Variants in GRID2 observed in about 807,000 individuals in gnomAD.
GRID2 encodes the protein glutamate receptor ionotropic, delta-2.
In GRID2, 33 loss-of-function variants were observed where a neutral mutation model predicts 114.8. That is an observed-to-expected ratio of 0.29 (90% confidence interval 0.22 to 0.38). The LOEUF (loss-of-function observed/expected upper bound fraction) is 0.38. GRID2 is among the 10% of genes least tolerant of loss of function. The probability of loss-of-function intolerance (pLI) is 1.00; values close to 1 mark genes in which losing one functional copy is unlikely to be tolerated. For synonymous variants in GRID2, 505 were observed against 449.9 expected (o/e 1.12, Z -1.55); for missense variants, 1,184 against 1,257.7 (o/e 0.94, Z 0.89).
At chr4:92,626,979 G>A (rs959883635) in intron 2 of GRID2, among the ~76,000 whole-genome samples, 20 of 152,098 alleles carry the variant, frequency 1.3e-4, no homozygotes, top group African/African-American at 4.8e-4. Flanking sequence ...AGAAAACAGA[G>A]AACAACTGGA....
At chr4:92,821,461 G>A (rs1419377475) in intron 2 of GRID2, among the ~76,000 whole-genome samples, 1 of 151,266 alleles carries the variant, frequency 6.6e-6, no homozygotes, top group Non-Finnish European at 1.5e-5. Context: ...GTAGCTGTTT[G>A]TTTTTTTTAA....
At chr4:93,074,056 A>G (rs537573917) in intron 2 of GRID2, among the ~76,000 whole-genome samples, 1 of 152,328 alleles carries the variant, frequency 6.6e-6, no homozygotes, top group South Asian at 2.1e-4. Flanking sequence ...AGGGAGAAAA[A>G]GAAACACTGA....
At chr4:92,545,403 A>G (rs1325331027) in intron 1 of GRID2, among the ~76,000 whole-genome samples, 1 of 152,162 alleles carries the variant, frequency 6.6e-6, no homozygotes, top group Admixed American at 6.6e-5. Flanking sequence ...GCTCAAGGTC[A>G]TGTCTAAGAG....
Position 93,455,905 on chromosome 4 carries a change from A to C in GRID2, c.1789A>C (p.Met597Leu). The C allele has an allele frequency of 6.2e-7, 1 of 1,611,334 alleles. No individual in the cohort carries two copies. The highest frequency in any genetic ancestry group is 8.5e-7 in the Non-Finnish European group (1 of 1,177,538). Residue 597 changes from methionine to leucine, a missense_variant, in exon 11 of 16, where the codon ATG (methionine) becomes CTG (leucine). Physicochemically the swap from Met to Leu is conservative, Grantham distance 15. Around this residue, in one of 3 missense-constraint regions of GRID2, gnomAD observed 717 missense variants for 796.9 expected, o/e 0.90. Transcript: ENST00000282020. ...CTGGCTTAATCCCCCACGATTACAA[A>C]TGGGATCAATGACGTCTACTACTCT... ...LNWLNPPRLQ[M>L]GSMTSTTLYN...
rs562484978 is a variant in GRID2 at position 93,068,346 on chromosome 4, G to A, written c.245-16649G>A. 8.5e-5 allele frequency among the ~76,000 whole-genome samples: 13 copies of A among 152,160 alleles called. No homozygotes were observed. The East Asian group carries it at 2.3e-3, about 27-fold the overall frequency. Reference sequence around the variant, plus strand: ...ATGTGTAAAGTAAAGAGTGATCATAGTACTGTATTTGCCTCATTTGTGGGG... The same window carrying A: ...ATGTGTAAAGTAAAGAGTGATCATAATACTGTATTTGCCTCATTTGTGGGG... On this transcript the variant is annotated intron_variant, in intron 2 of 15. Transcript: ENST00000282020.
At chr4:92,548,733 C>T (rs893758045) in intron 1 of GRID2, among the ~76,000 whole-genome samples, 2 of 151,900 alleles carry the variant, frequency 1.3e-5, no homozygotes, top group African/African-American at 4.8e-5. Context: ...TTAATCAGCT[C>T]ATGATTTCAC....
At chr4:93,123,570 A>G (rs1465644967) in intron 4 of GRID2, among the ~76,000 whole-genome samples, 1 of 152,190 alleles carries the variant, frequency 6.6e-6, no homozygotes, top group African/African-American at 2.4e-5. Context: ...ATAGACTCAT[A>G]AGGAAAATGC....
At position 93,515,207 on chromosome 4, in the gene GRID2, A is replaced by G. The variant is rs763303408; in HGVS notation, c.1998-9A>G. ...TCTCTTGTGTCTCTCTTCTCTCCCA[A>G]TAATCAAGGTCTCTCCAGGACCTTT... On this transcript the variant is annotated splice_polypyrimidine_tract_variant and intron_variant, in intron 12 of 15. Transcript: ENST00000282020. 1.4e-6 allele frequency: 2 copies of G among 1,429,966 alleles called. No homozygotes were observed. The highest frequency in any genetic ancestry group is 2.0e-5 in the Admixed American group (1 of 50,882). The allele number at this position is 1,429,966 out of a possible 1,614,324, so 88.6% of individuals were successfully genotyped here. A position where few individuals can be genotyped will look rare whatever the true frequency, so the allele number is the denominator to read the frequency against.
At chr4:93,552,895 G>GTC (rs1307278639) in intron 13 of GRID2, among the ~76,000 whole-genome samples, 1 of 143,402 alleles carries the variant, frequency 7.0e-6, no homozygotes, top group Admixed American at 7.6e-5. Context: ...TTGGTTTTCT[G>GTC]TCCTTGTAAT....
At chr4:92,356,297 T>C (rs903054653) in intron 1 of GRID2, among the ~76,000 whole-genome samples, 1 of 151,506 alleles carries the variant, frequency 6.6e-6, no homozygotes, top group African/African-American at 2.4e-5. Context: ...TATATATATT[T>C]TCTGGTTTTC....
intron 4 of GRID2, among the ~76,000 whole-genome samples, chr4:93,129,340 A>C (rs1278049944): frequency 6.6e-6 from 1 of 151,970 alleles, no homozygotes; most frequent in African/African-American, 2.4e-5. Flanking sequence ...TTAATGTTGA[A>C]ATACTGTTTT....
intron 2 of GRID2, among the ~76,000 whole-genome samples, chr4:92,971,987 T>C (rs1306099872): frequency 2.0e-5 from 3 of 152,174 alleles, no homozygotes; most frequent in Admixed American, 1.3e-4. Context: ...AGAATAATGC[T>C]GCAATTAAAA....
At chr4:93,729,937 G>A (rs1447256363) in intron 14 of GRID2, among the ~76,000 whole-genome samples, 1 of 152,192 alleles carries the variant, frequency 6.6e-6, no homozygotes, top group African/African-American at 2.4e-5. Flanking sequence ...ACAGCAGAGA[G>A]ACTGTGCTTT....
At chr4:93,478,484 C>G (rs1019886879) in intron 11 of GRID2, among the ~76,000 whole-genome samples, 1 of 151,698 alleles carries the variant, frequency 6.6e-6, no homozygotes, top group African/African-American at 2.4e-5. Flanking sequence ...TTTATTTGCT[C>G]AGAACATTCT....
intron 8 of GRID2, among the ~76,000 whole-genome samples, chr4:93,287,092 C>T (rs1454751687): frequency 2.0e-5 from 3 of 151,890 alleles, no homozygotes; most frequent in Non-Finnish European, 4.4e-5. Flanking sequence ...CCTTCTATTT[C>T]TTATAACTTA....
intron 1 of GRID2, among the ~76,000 whole-genome samples, chr4:92,585,331 A>G (rs1728379141): frequency 6.6e-6 from 1 of 152,044 alleles, no homozygotes; most frequent in Non-Finnish European, 1.5e-5. Flanking sequence ...TCCTTTTATG[A>G]TTACCTACCA....
chr4:92,340,990 G>A (rs1431708531), intron 1 of GRID2, among the ~76,000 whole-genome samples: 1 of 151,818 alleles, frequency 6.6e-6, no homozygotes, highest in Non-Finnish European at 1.5e-5. Context: ...CTGCAGTTTT[G>A]TGATAAGCAA....
chr4:93,631,912 C>T (rs1029714226), intron 14 of GRID2, among the ~76,000 whole-genome samples: 5 of 152,196 alleles, frequency 3.3e-5, no homozygotes, highest in African/African-American at 4.8e-5. Context: ...GCCATTCTAA[C>T]TGCTGTGAGA....
chr4:92,793,255 G>A (rs773229002), intron 2 of GRID2, among the ~76,000 whole-genome samples: 9 of 151,550 alleles, frequency 5.9e-5, no homozygotes, highest in African/African-American at 9.7e-5. Context: ...TGCCTAGAAT[G>A]TTCATTTTTT....
Sources: allele counts gnomAD v4.1 joint callset (sites outside exome capture counted in the v4.1 genomes callset), GRCh38; gene constraint gnomAD v4.1.1; regional missense constraint gnomAD v4.1.1; transcripts MANE v1.5; gene names NCBI Gene and HGNC (gene_info 2026-07-23, HGNC 2026-07-21).